The following SLC2A13 variants were observed in gnomAD, a reference collection of about 807,000 sequenced individuals.
SLC2A13 encodes the protein solute carrier family 2 member 13, also known as proton myo-inositol cotransporter.
A neutral mutation model predicts 64.4 loss-of-function variants in SLC2A13; 32 were observed. The ratio of observed to expected loss-of-function variants is 0.50; its 90% CI spans 0.37 to 0.67. SLC2A13 has a LOEUF of 0.67. Among genes scored for constraint, SLC2A13 ranks in the 30% least tolerant of loss-of-function variants. SLC2A13 has a pLI of 0.00. For missense variants in SLC2A13, 743 were observed against 829.2 expected (o/e 0.90, Z 1.28); for synonymous variants, 338 against 327.1 (o/e 1.03, Z -0.36).
At chr12:39,822,685 C>G (rs1034753372) in intron 7 of SLC2A13, among the ~76,000 whole-genome samples, 3 of 152,144 alleles carry the variant, frequency 2.0e-5, no homozygotes, top group African/African-American at 7.2e-5. Flanking sequence ...TCTTAGTCTT[C>G]TTTAATCTTC....
chr12:39,888,618 A>G (rs895482324), intron 4 of SLC2A13, among the ~76,000 whole-genome samples: 3 of 152,234 alleles, frequency 2.0e-5, no homozygotes, highest in Non-Finnish European at 2.9e-5. Flanking sequence ...TTTATTCTTT[A>G]CCTGACAGGA....
intron 1 of SLC2A13, among the ~76,000 whole-genome samples, chr12:40,050,133 G>T (rs1400254492): frequency 2.0e-5 from 3 of 152,140 alleles, no homozygotes; most frequent in African/African-American, 7.2e-5. Context: ...GTTGACACGG[G>T]ATTTGTATAT....
intron 3 of SLC2A13, among the ~76,000 whole-genome samples, chr12:39,979,018 G>A (rs1406141500): frequency 6.6e-6 from 1 of 151,022 alleles, no homozygotes; most frequent in African/African-American, 2.4e-5. Context: ...CCTGACCCCT[G>A]ACCCCCGAGC....
At chr12:39,902,969 G>T (rs1030796106) in intron 4 of SLC2A13, among the ~76,000 whole-genome samples, 1 of 152,034 alleles carries the variant, frequency 6.6e-6, no homozygotes, top group Non-Finnish European at 1.5e-5. Flanking sequence ...GGAAATGTTT[G>T]TTCATAAAAA....
At chr12:40,025,560 G>T (rs553018793) in intron 3 of SLC2A13, among the ~76,000 whole-genome samples, 3 of 152,180 alleles carry the variant, frequency 2.0e-5, no homozygotes, top group Non-Finnish European at 4.4e-5. Flanking sequence ...AGCTCAATGC[G>T]AACAGGTATC....
At chr12:39,774,971 A>G (rs10735886) in intron 7 of SLC2A13, among the ~76,000 whole-genome samples, 149,204 of 152,278 alleles carry the variant, frequency 0.98, 73,107 homozygotes, top group East Asian at 1. Context: ...ATTTAAATTG[A>G]TATAATTTCC....
chr12:39,938,009 G>A (rs1408043423), intron 4 of SLC2A13, among the ~76,000 whole-genome samples: 1 of 152,122 alleles, frequency 6.6e-6, no homozygotes. Flanking sequence ...GGGTATTATA[G>A]CAATTTTGTG....
At chr12:39,855,071 TCACATA>T (rs1310772465) in intron 6 of SLC2A13, among the ~76,000 whole-genome samples, 2 of 152,188 alleles carry the variant, frequency 1.3e-5, no homozygotes, top group African/African-American at 4.8e-5. Context: ...ACAACAGAAG[TCACATA>T]TTTTCATATC....
intron 3 of SLC2A13, among the ~76,000 whole-genome samples, chr12:40,025,978 A>G (rs1176678264): frequency 6.6e-6 from 1 of 152,236 alleles, no homozygotes; most frequent in African/African-American, 2.4e-5. Flanking sequence ...GCTCCTGGAC[A>G]TTACAATACT....
chr12:40,091,365 A>T (rs923511861), intron 1 of SLC2A13, among the ~76,000 whole-genome samples: 2 of 152,174 alleles, frequency 1.3e-5, no homozygotes, highest in Non-Finnish European at 2.9e-5. Flanking sequence ...ATTCTTTATA[A>T]TTTACTTATG....
chr12:39,948,501 T>G (rs910837432), intron 4 of SLC2A13, among the ~76,000 whole-genome samples: 1 of 152,102 alleles, frequency 6.6e-6, no homozygotes, highest in Non-Finnish European at 1.5e-5. Context: ...GATAAAAAAC[T>G]AAACACAGTA....
At chr12:39,968,998 T>A (rs894143876) in intron 3 of SLC2A13, among the ~76,000 whole-genome samples, 1 of 151,974 alleles carries the variant, frequency 6.6e-6, no homozygotes, top group African/African-American at 2.4e-5. Flanking sequence ...CCTTCTTATG[T>A]CCAAGTGTTC....
chr12:40,006,794 A>C (rs1947428444), intron 3 of SLC2A13, among the ~76,000 whole-genome samples: 1 of 152,202 alleles, frequency 6.6e-6, no homozygotes, highest in South Asian at 2.1e-4. Flanking sequence ...TTACAAGAAT[A>C]AACCCATGTC....
chr12:39,967,648 T>C (rs752002416), intron 3 of SLC2A13, among the ~76,000 whole-genome samples: 8 of 152,192 alleles, frequency 5.3e-5, no homozygotes, highest in African/African-American at 1.2e-4. Flanking sequence ...TTTAGGAAAA[T>C]AGTGAAGAAC....
intron 1 of SLC2A13, among the ~76,000 whole-genome samples, chr12:40,058,891 ATCTCTCT>A (rs1948375024): frequency 6.6e-6 from 1 of 152,218 alleles, no homozygotes; most frequent in South Asian, 2.1e-4. Flanking sequence ...GGGCAGTATC[ATCTCTCT>A]TAGGCTGGCT....
At chr12:39,942,869 G>T (rs1239069503) in intron 4 of SLC2A13, among the ~76,000 whole-genome samples, 2 of 151,950 alleles carry the variant, frequency 1.3e-5, no homozygotes, top group African/African-American at 4.8e-5. Flanking sequence ...TTTTTGTGCT[G>T]GTTTTTCCTC....
intron 1 of SLC2A13, among the ~76,000 whole-genome samples, chr12:40,082,599 A>T (rs1938447071): frequency 6.6e-6 from 1 of 152,182 alleles, no homozygotes; most frequent in South Asian, 2.1e-4. Flanking sequence ...TGAGCAAGAT[A>T]TGCTCTGTCC....
At chr12:40,098,021 G>GTA (rs551050435) in intron 1 of SLC2A13, among the ~76,000 whole-genome samples, 2 of 150,272 alleles carry the variant, frequency 1.3e-5, no homozygotes, top group Non-Finnish European at 2.9e-5. Context: ...CTATATATGT[G>GTA]TATATGTATG....
chr12:39,816,372 T>C (rs557330139), intron 7 of SLC2A13, among the ~76,000 whole-genome samples: 1 of 139,930 alleles, frequency 7.1e-6, no homozygotes, highest in African/African-American at 2.7e-5. Flanking sequence ...TAGGTGGGAA[T>C]TGAACAATGA....
Sources: gnomAD v4.1 joint callset for allele counts (sites outside exome capture counted in the v4.1 genomes callset) on GRCh38, gnomAD v4.1.1 for gene constraint, MANE v1.5 for transcripts, NCBI Gene and HGNC (gene_info 2026-07-23, HGNC 2026-07-21) for gene names.